CCSER1: variants seen among roughly 807,000 people sequenced by gnomAD.
CCSER1 encodes the protein serine-rich coiled-coil domain-containing protein 1.
A neutral mutation model predicts 82.0 loss-of-function variants in CCSER1; 41 were observed. The ratio of observed to expected loss-of-function variants is 0.50; its 90% CI spans 0.39 to 0.65. The LOEUF is 0.65. Ranked by LOEUF, CCSER1 falls within the 30% of genes least tolerant of loss-of-function variation. The pLI, the probability that CCSER1 is intolerant of heterozygous loss-of-function variation, is 0.00. For missense variants in CCSER1, 1,119 were observed against 1,064.2 expected (o/e 1.05, Z -0.72); for synonymous variants, 414 against 383.9 (o/e 1.08, Z -0.92).
At chr4:90,762,069 G>A (rs954186221) in intron 7 of CCSER1, among the ~76,000 whole-genome samples, 4 of 152,098 alleles carry the variant, frequency 2.6e-5, no homozygotes, top group Admixed American at 2.6e-4. Context: ...AGACTGATAT[G>A]ATTTGGCTGT....
At chr4:91,278,431 A>G (rs1361873352) in intron 10 of CCSER1, among the ~76,000 whole-genome samples, 1 of 152,096 alleles carries the variant, frequency 6.6e-6, no homozygotes, top group African/African-American at 2.4e-5. Context: ...TCATTATATA[A>G]TGAGCCTTTT....
chr4:90,441,223 G>C (rs1029250316), intron 4 of CCSER1, among the ~76,000 whole-genome samples: 1 of 152,064 alleles, frequency 6.6e-6, no homozygotes, highest in Admixed American at 6.5e-5. Context: ...TCCTCTCTCT[G>C]CTTGTGTTAA....
intron 10 of CCSER1, among the ~76,000 whole-genome samples, chr4:91,203,820 T>C (rs1230923155): frequency 6.6e-6 from 1 of 151,840 alleles, no homozygotes; most frequent in Non-Finnish European, 1.5e-5. Flanking sequence ...TCTACAGTGT[T>C]TTGACCATAC....
chr4:91,090,752 T>A (rs1281332325), intron 10 of CCSER1, among the ~76,000 whole-genome samples: 5 of 152,214 alleles, frequency 3.3e-5, no homozygotes, highest in Non-Finnish European at 7.3e-5. Flanking sequence ...TTCTAGTTTT[T>A]CCTGGAATTT....
intron 1 of CCSER1, among the ~76,000 whole-genome samples, chr4:90,176,534 G>A (rs566515577): frequency 6.6e-6 from 1 of 152,100 alleles, no homozygotes; most frequent in East Asian, 1.9e-4. Flanking sequence ...AGAATCCCCT[G>A]TTGAGGTTGC....
chr4:90,735,265 G>A (rs544674633), intron 7 of CCSER1, among the ~76,000 whole-genome samples: 1 of 152,072 alleles, frequency 6.6e-6, no homozygotes, highest in African/African-American at 2.4e-5. Context: ...GTTCATGAGG[G>A]ATATTGTCCT....
intron 1 of CCSER1, among the ~76,000 whole-genome samples, chr4:90,181,176 TG>T (rs1047676764): frequency 6.6e-6 from 1 of 152,068 alleles, no homozygotes; most frequent in Non-Finnish European, 1.5e-5. Flanking sequence ...AATTTACCCA[TG>T]GAGCAAACCT....
rs1322728226 is a variant in CCSER1, at chr4:91,439,252, AG to A, written c.2218-159317del. On this transcript the variant is annotated intron_variant, in intron 10 of 10. Transcript: ENST00000509176. Reference sequence around the variant, plus strand: ...GAGAGAAAGGTCGGGTTACCCCCAAAGGGAAGCCCATCAGACTAACAGCGGA... The same window carrying A: ...GAGAGAAAGGTCGGGTTACCCCCAAAGGAAGCCCATCAGACTAACAGCGGA... Among the ~76,000 whole-genome samples the A allele has an allele frequency of 2.0e-5, 3 of 152,300 alleles. No individual in the cohort carries two copies. In the East Asian group the frequency reaches 5.8e-4, roughly 29 times the overall value.
intron 7 of CCSER1, among the ~76,000 whole-genome samples, chr4:90,768,501 C>T (rs554660740): frequency 3.3e-5 from 5 of 152,270 alleles, no homozygotes; most frequent in South Asian, 4.1e-4. Flanking sequence ...GTGTAGGATG[C>T]TGCTGTAATA....
intron 10 of CCSER1, among the ~76,000 whole-genome samples, chr4:91,184,993 A>G (rs942584685): frequency 2.6e-5 from 4 of 152,194 alleles, no homozygotes; most frequent in Non-Finnish European, 5.9e-5. Flanking sequence ...CTTCTTTGAT[A>G]TACTTCAGGG....
intron 10 of CCSER1, among the ~76,000 whole-genome samples, chr4:91,356,034 G>A (rs1748806532): frequency 6.6e-6 from 1 of 152,234 alleles, no homozygotes; most frequent in South Asian, 2.1e-4. Flanking sequence ...AATCACCACA[G>A]CATGGGGACA....
chr4:90,496,272 G>GA (rs1295359252), intron 5 of CCSER1, among the ~76,000 whole-genome samples: 9 of 152,062 alleles, frequency 5.9e-5, no homozygotes, highest in Non-Finnish European at 1.0e-4. Flanking sequence ...GTTCTTTTCA[G>GA]AAAATGATCT....
At chr4:91,480,590 G>A (rs1757856222) in intron 10 of CCSER1, among the ~76,000 whole-genome samples, 1 of 152,228 alleles carries the variant, frequency 6.6e-6, no homozygotes, top group African/African-American at 2.4e-5. Context: ...TAACAGAAAT[G>A]TTTCATGTTT....
chr4:91,013,779 ATT>A lies in CCSER1; in HGVS notation c.2173-72157_2173-72156del, dbSNP rs10712693. Reference sequence around the variant, plus strand: ...CACCACGCCCAGCTATTGTTTTTGTATTTTTTTTTTTTTTTGTATTTTTAGTA... The same window carrying A: ...CACCACGCCCAGCTATTGTTTTTGTATTTTTTTTTTTTTGTATTTTTAGTA... On this transcript the variant is annotated intron_variant, in intron 9 of 10. Transcript: ENST00000509176. 2.3e-3 allele frequency among the ~76,000 whole-genome samples: 240 copies of A among 104,542 alleles called. 6 individuals carry two copies. The highest frequency in any genetic ancestry group is 5.0e-3 in the Middle Eastern group (1 of 200). 68.6% of individuals were successfully genotyped at this position (104,542 alleles called of 152,430 possible).
At chr4:90,765,113 A>T (rs1431770325) in intron 7 of CCSER1, among the ~76,000 whole-genome samples, 1 of 152,076 alleles carries the variant, frequency 6.6e-6, no homozygotes, top group Non-Finnish European at 1.5e-5. Context: ...TCAGGAACAT[A>T]ATTCTTAGCA....
intron 8 of CCSER1, among the ~76,000 whole-genome samples, chr4:90,876,085 A>T (rs1030221048): frequency 2.0e-5 from 3 of 152,022 alleles, no homozygotes; most frequent in Non-Finnish European, 4.4e-5. Flanking sequence ...AAATCTGCAA[A>T]GGAAGGCAAT....
chr4:90,287,997 T>A (rs1730215160), intron 1 of CCSER1, among the ~76,000 whole-genome samples: 1 of 151,904 alleles, frequency 6.6e-6, no homozygotes, highest in Non-Finnish European at 1.5e-5. Flanking sequence ...TTTTTATTCT[T>A]TTCTTTCTCT....
At chr4:90,227,972 A>C (rs1199650495) in intron 1 of CCSER1, among the ~76,000 whole-genome samples, 1 of 152,196 alleles carries the variant, frequency 6.6e-6, no homozygotes, top group Non-Finnish European at 1.5e-5. Flanking sequence ...GGAGGGTCCT[A>C]CGCCCATGGA....
intron 8 of CCSER1, chr4:90,911,310 T>C (rs1726315978): frequency 2.2e-6 from 1 of 456,190 alleles, no homozygotes; most frequent in Non-Finnish European, 4.4e-6. Flanking sequence ...GCTGTGTTTC[T>C]TGAAGATTCT....
Sources: gnomAD v4.1 joint callset for allele counts (sites outside exome capture counted in the v4.1 genomes callset) on GRCh38, gnomAD v4.1.1 for gene constraint, MANE v1.5 for transcripts, NCBI Gene and HGNC (gene_info 2026-07-23, HGNC 2026-07-21) for gene names.